The following ZNF639 variants were observed in gnomAD, a reference collection of about 807,000 sequenced individuals.
The protein encoded by ZNF639 is zinc finger protein 639.
ZNF639 carries 20 observed loss-of-function variants against 39.8 expected under a neutral mutation model. The observed-to-expected ratio is 0.50, with a 90% CI of 0.35 to 0.73. The LOEUF is 0.73. Among genes scored for constraint, ZNF639 ranks in the 30% least tolerant of loss-of-function variants. The pLI is 0.00. For missense variants in ZNF639, 477 were observed against 566.2 expected (o/e 0.84, Z 1.60); for synonymous variants, 176 against 189.8 (o/e 0.93, Z 0.60).
rs538503679 is a variant in ZNF639 at position 179,337,344 on chromosome 3, C to CT, written c.*2934dup. On this transcript the variant is annotated 3_prime_UTR_variant, in exon 6 of 6. Coordinates refer to ENST00000496856, the MANE Select transcript of ZNF639 (RefSeq NM_001303426.2). ...AGTTTCAGAACCATATAATTTTGTACTTTTTTTTTTTTCAGACAGTCTTGC... is the reference window on the plus strand; with the variant it reads ...AGTTTCAGAACCATATAATTTTGTACTTTTTTTTTTTTTCAGACAGTCTTGC... 30,953 of 144,970 alleles carry CT rather than the reference C, an allele frequency of 0.21. 3,383 individuals are homozygous for CT. The highest frequency in any genetic ancestry group is 0.27 in the African/African-American group (10,814 of 39,434). The allele number at this position is 144,970 out of a possible 1,614,324, so 9.0% of individuals were successfully genotyped here.
At chr3:179,326,711 C>T (rs1306212497) in intron 1 of ZNF639, among the ~76,000 whole-genome samples, 7 of 151,566 alleles carry the variant, frequency 4.6e-5, no homozygotes, top group African/African-American at 9.7e-5. Context: ...TGTAGCCCTC[C>T]GCCTCCCAGG....
At position 179,334,560 on chromosome 3, in the gene ZNF639, A is replaced by G. The variant is rs1024087378; in HGVS notation, c.*138A>G. ...TAACTTTTTTAAATTATAAAATTTTATTGGCATTGCTCCATTTTCTGTATA... is the reference window on the plus strand; with the variant it reads ...TAACTTTTTTAAATTATAAAATTTTGTTGGCATTGCTCCATTTTCTGTATA... On this transcript the variant is annotated 3_prime_UTR_variant, in exon 6 of 6. Transcript: ENST00000496856. 22 of 549,650 alleles carry G rather than the reference A, an allele frequency of 4.0e-5. No homozygotes were observed. The highest frequency in any genetic ancestry group is 5.9e-5 in the Non-Finnish European group (20 of 341,510). The allele number at this position is 549,650 out of a possible 1,614,324, so 34.0% of individuals were successfully genotyped here.
chr3:179,331,623 A>G (rs951498030), intron 4 of ZNF639, among the ~76,000 whole-genome samples: 6 of 151,920 alleles, frequency 3.9e-5, no homozygotes, highest in Non-Finnish European at 8.8e-5. Context: ...TAAAAATACA[A>G]AATTAGCTGG....
In ZNF639 at chr3:179,328,274, G is replaced by C. The variant is rs201369121; in HGVS notation, c.-11-9G>C. 2 of 1,498,638 alleles carry C rather than the reference G, an allele frequency of 1.3e-6. No individual in the cohort carries two copies. 92.8% of individuals were successfully genotyped at this position (1,498,638 alleles called of 1,614,324 possible). ...GTGACATATTTGTTAATTTTTTCTC[G>C]TTTTTTAGATTGAAAAGATATGAAT... On this transcript the variant is annotated splice_polypyrimidine_tract_variant and intron_variant, in intron 2 of 5. Transcript: ENST00000496856.
At chr3:179,329,906 ATTC>A in intron 4 of ZNF639, 178 bp downstream of exon 4, 1 of 238,516 alleles carries the variant, frequency 4.2e-6, no homozygotes. Context: ...AATTTTAACT[ATTC>A]TTTTTTTTTT....
chr3:179,323,860 C>G (rs1373025673), intron 1 of ZNF639: 1 of 152,232 alleles, frequency 6.6e-6, no homozygotes, highest in Non-Finnish European at 1.5e-5. Context: ...TAGAAACCCC[C>G]TTTTTTGGTT....
At position 179,325,632 on chromosome 3, in the gene ZNF639, G is replaced by A. The variant is rs1355921889; in HGVS notation, c.-82-1929G>A. Among the ~76,000 whole-genome samples, 11 of 152,156 alleles carry A rather than the reference G, an allele frequency of 7.2e-5. No homozygotes were observed. In the East Asian group the frequency reaches 2.0e-3, roughly 27 times the overall value. The stretch of plus-strand genomic sequence containing the variant: ...GAAAAGGCCGGGCGCGGTGGCTCAC[G>A]CCTGTAATCCCAGCACCTTGGGAGG... On this transcript the variant is annotated intron_variant, in intron 1 of 5. Coordinates refer to ENST00000496856, the MANE Select transcript of ZNF639 (RefSeq NM_001303426.2).
intron 1 of ZNF639, among the ~76,000 whole-genome samples, chr3:179,324,301 G>T (rs1727458792): frequency 6.6e-6 from 1 of 151,984 alleles, no homozygotes; most frequent in Non-Finnish European, 1.5e-5. Flanking sequence ...CTTGTTGGTT[G>T]AAAAAAATGA....
chr3:179,327,761 T>C (rs1727677709), intron 2 of ZNF639, 130 bp downstream of exon 2: 1 of 152,314 alleles, frequency 6.6e-6, no homozygotes, highest in Non-Finnish European at 1.5e-5. Context: ...AAAATGATTT[T>C]TTTCTTGAAA....
rs529085105 is a variant in ZNF639, at chr3:179,332,904, T to G, written c.170-85T>G. 2.1e-6 allele frequency: 3 copies of G among 1,437,830 alleles called. No individual in the cohort carries two copies. In the East Asian group the frequency reaches 7.7e-5, roughly 37 times the overall value. The allele number at this position is 1,437,830 out of a possible 1,614,324, so 89.1% of individuals were successfully genotyped here. A position where few individuals can be genotyped will look rare whatever the true frequency, so the allele number is the denominator to read the frequency against. On this transcript the variant is annotated intron_variant, in intron 4 of 5. Transcript: ENST00000496856. The stretch of plus-strand genomic sequence containing the variant: ...CCTTAGTTCCTGTTGGAATTCAAAA[T>G]CATATTTAAAAATTGATGCTTTGTT...
rs1307366822 is a variant in ZNF639, at chr3:179,333,971, T to C, written c.1007T>C (p.Val336Ala). ...TNDPEDLHSH[V>A]VNEHACKLIE... ...GATCCAGAAGACTTGCATAGCCATG[T>C]GGTAAATGAGCATGCATGTAAATTA... The change falls in exon 6 of 6, where the codon GTG (valine) becomes GCG (alanine). Residue 336 changes from valine (V) to alanine (A), a missense_variant. Physicochemically the swap from Val to Ala is moderately conservative, Grantham distance 64. Transcript: ENST00000496856. 1 of 1,614,082 alleles carries C rather than the reference T, an allele frequency of 6.2e-7. No homozygotes were observed.
intron 1 of ZNF639, among the ~76,000 whole-genome samples, chr3:179,323,592 T>A (rs565133862): frequency 2.6e-5 from 4 of 152,258 alleles, no homozygotes; most frequent in Admixed American, 1.3e-4. Flanking sequence ...CGGGCGAAGC[T>A]GGTGCGTGGC....
chr3:179,333,764 A>G lies in ZNF639; in HGVS notation c.800A>G (p.Tyr267Cys). ...EDPYICKYCD[Y>C]KTVIFENLSQ... Reference sequence around the variant, plus strand: ...CCCTACATTTGTAAATACTGTGATTATAAGACAGTAATTTTTGAGAACCTC... The same window carrying G: ...CCCTACATTTGTAAATACTGTGATTGTAAGACAGTAATTTTTGAGAACCTC... The change falls in exon 6 of 6, where the codon TAT (tyrosine) becomes TGT (cysteine). Residue 267 changes from tyrosine to cysteine, a missense_variant. Coordinates refer to ENST00000496856, the MANE Select transcript of ZNF639 (RefSeq NM_001303426.2). 1 of 1,614,212 alleles carries G rather than the reference A, an allele frequency of 6.2e-7. No homozygotes were observed. Among genetic ancestry groups the G allele is most frequent in the South Asian group, 1.1e-5 (1 of 91,082 alleles).
rs2108508580 is a variant in ZNF639 at position 179,334,440 on chromosome 3, C to T, written c.*18C>T. On this transcript the variant is annotated 3_prime_UTR_variant, in exon 6 of 6. Coordinates refer to ENST00000496856, the MANE Select transcript of ZNF639 (RefSeq NM_001303426.2). ...CAACTTGATTATTCTCTTTAACTTACAGAATGTTAGTTTAAAATAATAAAT... is the reference window on the plus strand; with the variant it reads ...CAACTTGATTATTCTCTTTAACTTATAGAATGTTAGTTTAAAATAATAAAT... 2 of 1,479,108 alleles carry T rather than the reference C, an allele frequency of 1.4e-6. No homozygotes were observed. Among genetic ancestry groups the T allele is most frequent in the Middle Eastern group, 1.9e-4 (1 of 5,372 alleles). The allele number at this position is 1,479,108 out of a possible 1,614,324, so 91.6% of individuals were successfully genotyped here.
rs1728094401 is a variant in ZNF639 at position 179,334,251 on chromosome 3, GATTT to G, written c.1294_1297del (p.Leu432ValfsTer18). 6.2e-7 allele frequency: 1 copy of G among 1,612,206 alleles called. No individual in the cohort carries two copies. Among genetic ancestry groups the G allele is most frequent in the Non-Finnish European group, 8.5e-7 (1 of 1,178,966 alleles). On this transcript the variant is annotated frameshift_variant, in exon 6 of 6. Transcript: ENST00000496856. LOFTEE classifies it high-confidence loss of function. ...ATTTAAATTCACATTTATCTGAAGG[GATTT>G]ATTTATGTCAATATTGTGAATATTC...
At chr3:179,324,333 C>T (rs1431769527) in intron 1 of ZNF639, among the ~76,000 whole-genome samples, 1 of 151,980 alleles carries the variant, frequency 6.6e-6, no homozygotes, top group Non-Finnish European at 1.5e-5. Flanking sequence ...ATGTTGGTTT[C>T]TAGGTGATAT....
Position 179,334,035 on chromosome 3 carries a change from A to T in ZNF639, c.1071A>T (p.Gly357=). Residue 357 remains glycine (G), a synonymous_variant, in exon 6 of 6, where the codon GGA becomes GGT. Transcript: ENST00000496856. The part of the protein sequence containing the change: ...LSDKYNNGEH[G]QYSLLSKITF... ...ATAAGTATAACAATGGTGAACATGG[A>T]CAGTATAGCCTCTTAAGCAAAATTA... The T allele has an allele frequency of 6.2e-7, 1 of 1,614,190 alleles. No individual in the cohort carries two copies. The highest frequency in any genetic ancestry group is 8.5e-7 in the Non-Finnish European group (1 of 1,180,026).
At chr3:179,328,432 C>G (rs1330111706) in intron 3 of ZNF639, 81 bp downstream of exon 3, 1 of 961,982 alleles carries the variant, frequency 1.0e-6, no homozygotes, top group East Asian at 2.5e-5. Context: ...CCTAAGTGAT[C>G]AGATAAGACT....
chr3:179,324,168 C>T (rs1252697437), intron 1 of ZNF639, among the ~76,000 whole-genome samples: 2 of 152,116 alleles, frequency 1.3e-5, no homozygotes, highest in African/African-American at 4.8e-5. Flanking sequence ...GAGTTATTTA[C>T]TGTAAAGACG....
Sources: gnomAD v4.1 joint callset for allele counts (sites outside exome capture counted in the v4.1 genomes callset) on GRCh38, gnomAD v4.1.1 for gene constraint, MANE v1.5 for transcripts, NCBI Gene and HGNC (gene_info 2026-07-23, HGNC 2026-07-21) for gene names.